The following SLC14A2 variants were observed in gnomAD, a reference collection of about 807,000 sequenced individuals.
SLC14A2 encodes the protein urea transporter 2.
Under a neutral mutation model 104.6 loss-of-function variants are expected in SLC14A2, and 91 were observed. The observed-to-expected ratio is 0.87, with a 90% CI of 0.73 to 1.04. The LOEUF (loss-of-function observed/expected upper bound fraction) is 1.04. Ranked by LOEUF, SLC14A2 falls within the 50% of genes least tolerant of loss-of-function variation. The pLI is 0.00. For synonymous variants in SLC14A2, 476 were observed against 466.4 expected (o/e 1.02, Z -0.27); for missense variants, 1,189 against 1,156.0 (o/e 1.03, Z -0.41).
chr18:45,397,372 G>C (rs775855451), intron 1 of SLC14A2, among the ~76,000 whole-genome samples: 11 of 152,128 alleles, frequency 7.2e-5, no homozygotes, highest in Non-Finnish European at 1.5e-4. Flanking sequence ...GGTGTGAGAT[G>C]GTTTCTCAGT....
upstream of SLC14A2, among the ~76,000 whole-genome samples, chr18:45,614,146 C>T (rs909446966): frequency 6.6e-6 from 1 of 152,242 alleles, no homozygotes; most frequent in African/African-American, 2.4e-5. Context: ...GGCCAGTGTA[C>T]AGTTCAGGCC....
rs750171994 is a variant in SLC14A2, at chr18:45,214,657, C to T, written c.-125+1466C>T. On this transcript the variant is annotated intron_variant, in intron 1 of 20. Coordinates refer to the SLC14A2 transcript ENST00000586448. ...GGGAAGAGGGTATTACTTTGTCTTT[C>T]ACTTGGTACTCAGACAGCTCTCTCA... Among the ~76,000 whole-genome samples, 64 of 152,182 alleles carry T rather than the reference C, an allele frequency of 4.2e-4. No homozygotes were observed. In the Middle Eastern group the frequency reaches 0.014, roughly 33 times the overall value.
intron 1 of SLC14A2, among the ~76,000 whole-genome samples, chr18:45,287,147 GTGTTGTGTGTTGTTCC>G (rs1281941437): frequency 6.6e-6 from 1 of 152,194 alleles, no homozygotes; most frequent in Non-Finnish European, 1.5e-5. Flanking sequence ...CCTCTGGAAG[GTGTTGTGTGTTGTTCC>G]TGTTTGCCTG....
intron 1 of SLC14A2, among the ~76,000 whole-genome samples, chr18:45,445,780 G>A (rs926276673): frequency 2.4e-4 from 37 of 152,176 alleles, no homozygotes; most frequent in Non-Finnish European, 3.8e-4. Flanking sequence ...AGAGGCAGAT[G>A]AGGCCCTTCC....
Position 45,637,040 on chromosome 18 carries a change from C to A in SLC14A2, c.701C>A (p.Pro234Gln). 1 of 1,614,174 alleles carries A rather than the reference C, an allele frequency of 6.2e-7. No homozygotes were observed. Among genetic ancestry groups the A allele is most frequent in the Non-Finnish European group, 8.5e-7 (1 of 1,180,004 alleles). ...TCCATCTTCAGCAAGTGGGACCTCCCGGTCTTCACTCTGCCCTTCAACATT... is the reference window on the plus strand; with the variant it reads ...TCCATCTTCAGCAAGTGGGACCTCCAGGTCTTCACTCTGCCCTTCAACATT... ...LNSIFSKWDL[P>Q]VFTLPFNIAV... Residue 234 changes from proline to glutamine, a missense_variant, in exon 6 of 20, where the codon CCG (proline) becomes CAG (glutamine). Physicochemically the swap from Pro to Gln is moderately conservative, Grantham distance 76. Transcript: ENST00000255226.
At chr18:45,358,095 G>T (rs2085573813) in intron 1 of SLC14A2, among the ~76,000 whole-genome samples, 1 of 152,178 alleles carries the variant, frequency 6.6e-6, no homozygotes, top group Non-Finnish European at 1.5e-5. Flanking sequence ...GCTTGGTGAA[G>T]TGCCCAATGA....
At chr18:45,534,158 C>T (rs541537487) in intron 2 of SLC14A2, among the ~76,000 whole-genome samples, 11 of 152,114 alleles carry the variant, frequency 7.2e-5, no homozygotes, top group African/African-American at 1.9e-4. Context: ...CAATTTTGGA[C>T]GTGGGAGAGA....
intron 1 of SLC14A2, among the ~76,000 whole-genome samples, chr18:45,288,319 G>A (rs906129215): frequency 1.3e-5 from 2 of 152,210 alleles, no homozygotes; most frequent in Non-Finnish European, 2.9e-5. Flanking sequence ...GTTGACATGT[G>A]AGCTTGACAA....
intron 1 of SLC14A2, among the ~76,000 whole-genome samples, chr18:45,408,744 C>T (rs1654585329): frequency 6.6e-6 from 1 of 151,756 alleles, no homozygotes; most frequent in East Asian, 1.9e-4. Context: ...ATTGTTGAAG[C>T]TGTTGAAAGT....
In SLC14A2 at chr18:45,286,558, A is replaced by G. The variant is rs150198182; in HGVS notation, c.-125+73367A>G. 3.5e-3 allele frequency among the ~76,000 whole-genome samples: 535 copies of G among 152,306 alleles called. 1 individual carries two copies. Among genetic ancestry groups the G allele is most frequent in the Non-Finnish European group, 5.6e-3 (384 of 68,010 alleles). On this transcript the variant is annotated intron_variant, in intron 1 of 20. Transcript: ENST00000586448. ...TAGAGGACTAAAGGTGGCTGCATTA[A>G]TTTTAGATCGAATATTGCCTTTTCT...
the SLC14A2 span, among the ~76,000 whole-genome samples, chr18:45,193,232 A>G: frequency 1.3e-5 from 2 of 152,144 alleles, no homozygotes; most frequent in South Asian, 2.1e-4. Context: ...AACATCTGTA[A>G]TTATTATGAA....
intron 1 of SLC14A2, among the ~76,000 whole-genome samples, chr18:45,332,005 A>G (rs1228009056): frequency 1.3e-5 from 2 of 152,176 alleles, no homozygotes; most frequent in Non-Finnish European, 2.9e-5. Flanking sequence ...TGGCAGCTGG[A>G]TGGGTCTAAA....
At chr18:45,543,624 C>T (rs140055605) in intron 2 of SLC14A2, among the ~76,000 whole-genome samples, 2 of 152,318 alleles carry the variant, frequency 1.3e-5, no homozygotes, top group East Asian at 3.9e-4. Flanking sequence ...TTGGCTACAC[C>T]TGTAACCCTT....
intron 2 of SLC14A2, among the ~76,000 whole-genome samples, chr18:45,581,936 C>G (rs1349573750): frequency 6.6e-6 from 1 of 152,154 alleles, no homozygotes; most frequent in African/African-American, 2.4e-5. Context: ...AGTTTATTTT[C>G]TGTTGCTATA....
At chr18:45,433,652 T>A (rs1205154163) in intron 1 of SLC14A2, among the ~76,000 whole-genome samples, 1 of 152,224 alleles carries the variant, frequency 6.6e-6, no homozygotes, top group African/African-American at 2.4e-5. Context: ...TTTGTTTTGA[T>A]CTGCATTATC....
At chr18:45,384,059 T>C (rs3095771) in intron 1 of SLC14A2, among the ~76,000 whole-genome samples, 80,180 of 151,866 alleles carry the variant, frequency 0.53, 25,658 homozygotes, top group East Asian at 0.86. Context: ...GGGAAAAGAG[T>C]TGCTTTTAGA....
chr18:45,546,820 C>T (rs1201787599), intron 2 of SLC14A2, among the ~76,000 whole-genome samples: 1 of 152,138 alleles, frequency 6.6e-6, no homozygotes, highest in African/African-American at 2.4e-5. Flanking sequence ...CAGGCAAATA[C>T]TAAGTTCTCA....
At chr18:45,564,250 T>C (rs1433513565) in intron 2 of SLC14A2, among the ~76,000 whole-genome samples, 1 of 152,258 alleles carries the variant, frequency 6.6e-6, no homozygotes, top group Non-Finnish European at 1.5e-5. Flanking sequence ...AATGCTCTTG[T>C]GATTTTACAT....
chr18:45,468,505 T>C (rs2087185533), intron 1 of SLC14A2, among the ~76,000 whole-genome samples: 2 of 151,988 alleles, frequency 1.3e-5, no homozygotes, highest in South Asian at 4.2e-4. Flanking sequence ...TGACATACTG[T>C]GTGGTCTTGG....
Sources: gnomAD v4.1 joint callset for allele counts (sites outside exome capture counted in the v4.1 genomes callset) on GRCh38, gnomAD v4.1.1 for gene constraint, MANE v1.5 for transcripts, NCBI Gene and HGNC (gene_info 2026-07-23, HGNC 2026-07-21) for gene names.